Variants in ZFAND3 observed in about 807,000 individuals in gnomAD.
The protein encoded by ZFAND3 is AN1-type zinc finger protein 3.
ZFAND3 carries 10 observed loss-of-function variants against 29.6 expected under a neutral mutation model. The observed-to-expected ratio is 0.34, with a 90% CI of 0.21 to 0.57. ZFAND3 has a LOEUF of 0.57. Ranked by LOEUF, ZFAND3 falls within the 20% of genes least tolerant of loss-of-function variation. The pLI is 0.86. For synonymous variants in ZFAND3, 128 were observed against 112.6 expected (o/e 1.14, Z -0.87); for missense variants, 230 against 304.5 (o/e 0.76, Z 1.82).
chr6:38,037,819 C>T (rs1763688765), intron 2 of ZFAND3, among the ~76,000 whole-genome samples: 1 of 152,136 alleles, frequency 6.6e-6, no homozygotes, highest in South Asian at 2.1e-4. Flanking sequence ...TGCCTGTTCA[C>T]CAAGTAGAAA....
At chr6:38,040,306 C>T (rs1315731284) in intron 2 of ZFAND3, among the ~76,000 whole-genome samples, 1 of 152,158 alleles carries the variant, frequency 6.6e-6, no homozygotes, top group African/African-American at 2.4e-5. Context: ...CATAAAAGTA[C>T]TATCTTAACA....
In ZFAND3 at chr6:38,153,547, T is replaced by C; in HGVS notation, c.*1158T>C. On this transcript the variant is annotated 3_prime_UTR_variant, in exon 6 of 6. Transcript: ENST00000287218. ...TCTGTCTAGAACAGCGGTTTGTGGC[T>C]GTGGCCCAGCTCCGAGAGTGATATT... The C allele has an allele frequency of 1.0e-6, 1 of 985,548 alleles. No homozygotes were observed. The allele number at this position is 985,548 out of a possible 1,614,324, so 61.1% of individuals were successfully genotyped here.
At chr6:37,938,724 T>C (rs1761749269) in intron 2 of ZFAND3, among the ~76,000 whole-genome samples, 1 of 152,212 alleles carries the variant, frequency 6.6e-6, no homozygotes, top group Non-Finnish European at 1.5e-5. Flanking sequence ...TGGTTAATTA[T>C]TATGCTAGTC....
intron 5 of ZFAND3, among the ~76,000 whole-genome samples, chr6:38,136,307 C>T (rs1262588448): frequency 6.6e-6 from 1 of 152,190 alleles, no homozygotes; most frequent in African/African-American, 2.4e-5. Context: ...TCCCATGTAG[C>T]TTTGGATACT....
At chr6:37,835,562 T>C (rs28655121) in intron 1 of ZFAND3, among the ~76,000 whole-genome samples, 32 of 151,972 alleles carry the variant, frequency 2.1e-4, no homozygotes, top group Admixed American at 1.2e-3. Context: ...AATCCTTTTT[T>C]AAAAAAATTA....
intron 1 of ZFAND3, chr6:37,832,780 G>T (rs1469987527): frequency 6.6e-6 from 1 of 152,104 alleles, no homozygotes; most frequent in African/African-American, 2.4e-5. Context: ...GGGCTTAAGT[G>T]ATCCTTCTGC....
At chr6:37,870,293 A>AAAC (rs1491307840) in intron 1 of ZFAND3, among the ~76,000 whole-genome samples, 4,444 of 46,160 alleles carry the variant, frequency 0.096, 255 homozygotes, top group Non-Finnish European at 0.15. Context: ...AGACTGTCTC[A>AAAC]AAAAAAAAAA....
chr6:37,969,102 G>A (rs959344478), intron 2 of ZFAND3, among the ~76,000 whole-genome samples: 8 of 152,224 alleles, frequency 5.3e-5, no homozygotes, highest in African/African-American at 1.9e-4. Context: ...GAATACTACA[G>A]GCATTTGAAA....
chr6:37,903,264 G>T (rs555607609), intron 1 of ZFAND3, among the ~76,000 whole-genome samples: 26 of 152,238 alleles, frequency 1.7e-4, no homozygotes, highest in Admixed American at 3.9e-4. Context: ...AAGCTTTCTA[G>T]TTAGAGTCAC....
intron 2 of ZFAND3, among the ~76,000 whole-genome samples, chr6:37,987,337 A>G (rs1240299804): frequency 6.6e-6 from 1 of 152,210 alleles, no homozygotes; most frequent in Non-Finnish European, 1.5e-5. Context: ...TCCTAGTAAC[A>G]ATATCTAGCA....
intron 2 of ZFAND3, among the ~76,000 whole-genome samples, chr6:37,949,016 G>T (rs184547732): frequency 1.3e-5 from 2 of 152,100 alleles, no homozygotes; most frequent in African/African-American, 4.8e-5. Flanking sequence ...GGGTCAAATT[G>T]TAGTTCTTTG....
At position 38,144,205 on chromosome 6, in the gene ZFAND3, ATATATAATATATAATATATATATATAT is replaced by A. The variant is rs1766040900; in HGVS notation, c.530-8028_530-8002del. Among the ~76,000 whole-genome samples, 6 of 44,344 alleles carry A rather than the reference ATATATAATATATAATATATATATATAT, an allele frequency of 1.4e-4. 1 individual carries two copies. The highest frequency in any genetic ancestry group is 3.4e-4 in the East Asian group (1 of 2,930). 29.1% of individuals were successfully genotyped at this position (44,344 alleles called of 152,430 possible). On this transcript the variant is annotated intron_variant, in intron 5 of 5. Coordinates refer to ENST00000287218, the MANE Select transcript of ZFAND3 (RefSeq NM_021943.3). Reference sequence around the variant, plus strand: ...ATATAATATATATATATATATATATATATATAATATATAATATATATATATATTTTTTTTTTAATAAGGTTGCTTGAT... The same window carrying A: ...ATATAATATATATATATATATATATATTTTTTTTTAATAAGGTTGCTTGAT...
At chr6:38,053,481 C>G (rs770830375) in intron 2 of ZFAND3, among the ~76,000 whole-genome samples, 1 of 151,970 alleles carries the variant, frequency 6.6e-6, no homozygotes, top group Non-Finnish European at 1.5e-5. Flanking sequence ...GCTGGAAGTT[C>G]GAGACCAGCT....
intron 3 of ZFAND3, among the ~76,000 whole-genome samples, chr6:38,073,165 C>T (rs999924163): frequency 2.7e-4 from 41 of 152,214 alleles, no homozygotes; most frequent in African/African-American, 9.6e-4. Context: ...TACAAGTCCA[C>T]GCAACAGTAC....
intron 1 of ZFAND3, among the ~76,000 whole-genome samples, chr6:37,862,802 C>A (rs1764518082): frequency 6.6e-6 from 1 of 151,594 alleles, no homozygotes; most frequent in Non-Finnish European, 1.5e-5. Context: ...GTATTCATGT[C>A]AGTTCATTCC....
intron 2 of ZFAND3, among the ~76,000 whole-genome samples, chr6:38,025,031 A>T (rs1318937705): frequency 6.6e-6 from 1 of 152,250 alleles, no homozygotes; most frequent in Non-Finnish European, 1.5e-5. Flanking sequence ...CCTTTAATAT[A>T]TCTGGTATCC....
chr6:37,977,508 G>T (rs1762500783), intron 2 of ZFAND3, among the ~76,000 whole-genome samples: 1 of 152,064 alleles, frequency 6.6e-6, no homozygotes, highest in African/African-American at 2.4e-5. Context: ...TCACCATGTT[G>T]ACCAGGCTGG....
intron 1 of ZFAND3, among the ~76,000 whole-genome samples, chr6:37,828,247 C>G (rs542599047): frequency 2.0e-5 from 3 of 152,198 alleles, no homozygotes; most frequent in Non-Finnish European, 2.9e-5. Flanking sequence ...TTATTTTTTA[C>G]AAGAAAGTAA....
At chr6:37,896,514 T>TTTTCTTTCTTTCTTTATTTCTTTCTTTC (rs1765208525) in intron 1 of ZFAND3, among the ~76,000 whole-genome samples, 2 of 109,100 alleles carry the variant, frequency 1.8e-5, no homozygotes, top group Non-Finnish European at 3.7e-5. Flanking sequence ...TTCCTCTTTC[T>TTTTCTTTCTTTCTTTATTTCTTTCTTTC]TTTCTTTCTT....
Sources: allele counts gnomAD v4.1 joint callset (sites outside exome capture counted in the v4.1 genomes callset), GRCh38; gene constraint gnomAD v4.1.1; transcripts MANE v1.5; gene names NCBI Gene and HGNC (gene_info 2026-07-23, HGNC 2026-07-21).